Variants in DAB1 observed in about 807,000 individuals in gnomAD.
DAB1 encodes the protein disabled homolog 1.
Under a neutral mutation model 64.6 loss-of-function variants are expected in DAB1, and 15 were observed. That is an observed-to-expected ratio of 0.23 (90% confidence interval 0.16 to 0.36). The LOEUF is 0.36. DAB1 is among the 10% of genes least tolerant of loss of function. The probability of loss-of-function intolerance (pLI) is 1.00; values close to 1 mark genes in which losing one functional copy is unlikely to be tolerated. For missense variants in DAB1, 596 were observed against 706.7 expected, an observed-to-expected ratio of 0.84 and a Z score of 1.78; for synonymous variants, 235 against 251.9, an observed-to-expected ratio of 0.93 and a Z score of 0.64.
At chr1:57,203,421 A>T (rs1296892800) in intron 2 of DAB1, among the ~76,000 whole-genome samples, 1 of 152,140 alleles carries the variant, frequency 6.6e-6, no homozygotes, top group Non-Finnish European at 1.5e-5. Context: ...CAGAGCAGGG[A>T]CCCAGTGCCC....
chr1:57,685,735 C>G (rs1646689841), intron 6 of DAB1, among the ~76,000 whole-genome samples: 1 of 151,832 alleles, frequency 6.6e-6, no homozygotes, highest in South Asian at 2.1e-4. Flanking sequence ...GCAATAAAAA[C>G]AGAAATCAGT....
chr1:57,799,564 A>G (rs1350636838), intron 6 of DAB1, among the ~76,000 whole-genome samples: 1 of 16,276 alleles, frequency 6.1e-5, no homozygotes, highest in African/African-American at 6.6e-4. Flanking sequence ...TGAGATGAGA[A>G]AAAAAAAAAA....
chr1:57,798,653 T>C lies in DAB1; in HGVS notation n.551+85346A>G, dbSNP rs892598268. ...TTTTAGCAGCTTCTCCCTTTCTGCC[T>C]ATAACATGTCCTCTGGTGATGATAA... On this transcript the variant is annotated intron_variant and non_coding_transcript_variant, in intron 6 of 20. Coordinates refer to the DAB1 transcript ENST00000485760. Among the ~76,000 whole-genome samples, 4 of 152,356 alleles carry C rather than the reference T, an allele frequency of 2.6e-5. No homozygotes were observed. In the South Asian group the frequency reaches 8.3e-4, roughly 32 times the overall value.
At chr1:57,314,237 T>A (rs1674991260) in intron 1 of DAB1, among the ~76,000 whole-genome samples, 1 of 152,234 alleles carries the variant, frequency 6.6e-6, no homozygotes, top group Admixed American at 6.5e-5. Flanking sequence ...GACAACAGAC[T>A]TAAAAGGAAA....
At chr1:57,412,225 C>T (rs1483026326) in intron 1 of DAB1, among the ~76,000 whole-genome samples, 5 of 152,174 alleles carry the variant, frequency 3.3e-5, no homozygotes, top group Admixed American at 3.3e-4. Flanking sequence ...TCTACTTTCC[C>T]CTTCCTCTGG....
chr1:58,510,474 C>T (rs768775942), intron 2 of DAB1, among the ~76,000 whole-genome samples: 4 of 151,946 alleles, frequency 2.6e-5, no homozygotes, highest in African/African-American at 4.8e-5. Flanking sequence ...AAAATTATCT[C>T]GACATAATTA....
chr1:57,195,705 G>A (rs1557913332), intron 2 of DAB1, among the ~76,000 whole-genome samples: 1 of 152,220 alleles, frequency 6.6e-6, no homozygotes, highest in Non-Finnish European at 1.5e-5. Context: ...CTAATTGTGT[G>A]ACTTTGGGCC....
intron 1 of DAB1, among the ~76,000 whole-genome samples, chr1:57,855,779 G>A (rs1186860819): frequency 6.6e-6 from 1 of 152,118 alleles, no homozygotes. Flanking sequence ...GCACAATATG[G>A]AGACCACAGG....
At chr1:57,426,874 A>ATATATATATATTTT (rs57970737), upstream of DAB1, among the ~76,000 whole-genome samples, 17 of 149,280 alleles carry the variant, frequency 1.1e-4, no homozygotes, top group Admixed American at 4.7e-4. Context: ...ATATATATAT[A>ATATATATATATTTT]TTTTTTTGAG....
At chr1:57,789,561 G>A (rs1359792195) in intron 6 of DAB1, among the ~76,000 whole-genome samples, 2 of 152,136 alleles carry the variant, frequency 1.3e-5, no homozygotes, top group Admixed American at 1.3e-4. Context: ...CACATGGCAG[G>A]GAGCAGAGAA....
At chr1:57,468,962 C>A (rs1179668047) in intron 7 of DAB1, among the ~76,000 whole-genome samples, 1 of 152,124 alleles carries the variant, frequency 6.6e-6, no homozygotes. Flanking sequence ...GGGGTAAAAA[C>A]CCCTCCACAT....
intron 5 of DAB1, among the ~76,000 whole-genome samples, chr1:57,914,718 A>T (rs891638803): frequency 7.9e-5 from 12 of 152,218 alleles, no homozygotes; most frequent in Non-Finnish European, 1.6e-4. Context: ...GAATGACTGT[A>T]AACAACCTAT....
At chr1:58,197,255 C>A (rs1312334548) in intron 4 of DAB1, among the ~76,000 whole-genome samples, 1 of 151,964 alleles carries the variant, frequency 6.6e-6, no homozygotes, top group Admixed American at 6.5e-5. Context: ...AAAGCCTGGA[C>A]CAGAACAGTG....
At chr1:58,480,840 A>C in intron 3 of DAB1, 1 of 607,552 alleles carries the variant, frequency 1.6e-6, no homozygotes. Flanking sequence ...TAATATCTGT[A>C]ATGTACATGA....
intron 1 of DAB1, among the ~76,000 whole-genome samples, chr1:57,315,669 A>AT (rs1675133285): frequency 6.6e-6 from 1 of 151,958 alleles, no homozygotes; most frequent in Admixed American, 6.6e-5. Flanking sequence ...CGCCCAGCTA[A>AT]TTTTTTGTAC....
chr1:58,075,193 T>G (rs1012669577), intron 5 of DAB1, among the ~76,000 whole-genome samples: 3 of 152,234 alleles, frequency 2.0e-5, no homozygotes, highest in African/African-American at 7.2e-5. Context: ...AATTATTGTT[T>G]AATCACTTTT....
intron 4 of DAB1, among the ~76,000 whole-genome samples, chr1:58,225,146 G>A (rs1412582421): frequency 2.6e-5 from 4 of 151,850 alleles, no homozygotes; most frequent in Admixed American, 6.6e-5. Flanking sequence ...CAAAAAGTGG[G>A]CGAAGGATAT....
intron 5 of DAB1, among the ~76,000 whole-genome samples, chr1:58,047,625 C>T (rs1647325547): frequency 6.6e-6 from 1 of 152,200 alleles, no homozygotes; most frequent in Non-Finnish European, 1.5e-5. Flanking sequence ...AGCCACCTCT[C>T]ATTCACTAGT....
chr1:58,431,558 G>GAAAA (rs66832530), intron 3 of DAB1, among the ~76,000 whole-genome samples: 3 of 76,272 alleles, frequency 3.9e-5, no homozygotes, highest in Non-Finnish European at 7.5e-5. Flanking sequence ...ACTCCATCTG[G>GAAAA]AAAAAAAAAA....
Sources: gnomAD v4.1 joint callset for allele counts (sites outside exome capture counted in the v4.1 genomes callset) on GRCh38, gnomAD v4.1.1 for gene constraint, MANE v1.5 for transcripts, NCBI Gene and HGNC (gene_info 2026-07-23, HGNC 2026-07-21) for gene names.